Variants in CPLX1 observed in about 807,000 individuals in gnomAD.
The protein encoded by CPLX1 is complexin-1.
Under a neutral mutation model 15.6 loss-of-function variants are expected in CPLX1, and 6 were observed. The ratio of observed to expected loss-of-function variants is 0.39; its 90% CI spans 0.21 to 0.76. The LOEUF (loss-of-function observed/expected upper bound fraction) is 0.76. Among genes scored for constraint, CPLX1 ranks in the 30% least tolerant of loss-of-function variants. CPLX1 has a pLI of 0.43. For missense variants in CPLX1, 242 were observed against 188.6 expected (o/e 1.28, Z -1.66); for synonymous variants, 91 against 75.2 (o/e 1.21, Z -1.08).
chr4:792,575 C>T lies in CPLX1; in HGVS notation c.65G>A (p.Gly22Asp). 1.2e-6 allele frequency: 2 copies of T among 1,612,638 alleles called. No individual in the cohort carries two copies. Among genetic ancestry groups the T allele is most frequent in the Admixed American group, 1.7e-5 (1 of 59,960 alleles). Reference protein sequence around the residue: ...ATKDMGKMLGGDEEKDPDAAK... With the variant: ...ATKDMGKMLGDDEEKDPDAAK... ...GGCGTCTGGGTCCTTCTCCTCGTCA[C>T]CCCCCAGCATCTTCCCCATGTCCTT... The change falls in exon 3 of 4, where the codon GGT (glycine) becomes GAT (aspartate). Residue 22 changes from glycine to aspartate, a missense_variant. Coordinates refer to ENST00000304062, the MANE Select transcript of CPLX1 (RefSeq NM_006651.4).
At position 791,863 on chromosome 4, in the gene CPLX1, C is replaced by T. The variant is rs933130419; in HGVS notation, c.207+570G>A. Among the ~76,000 whole-genome samples, 4 of 152,310 alleles carry T rather than the reference C, an allele frequency of 2.6e-5. No homozygotes were observed. The East Asian group carries it at 5.8e-4, about 22-fold the overall frequency. On this transcript the variant is annotated intron_variant, in intron 3 of 3. Coordinates refer to ENST00000304062, the MANE Select transcript of CPLX1 (RefSeq NM_006651.4). ...CTCCAGGCTGATGTCTGTGCCCACC[C>T]GGCTTCCAGCCAGGGCCGTGCTGGA...
At chr4:792,711 T>G in intron 2 of CPLX1, 103 bp from the exon 3 acceptor site, 2 of 1,293,994 alleles carry the variant, frequency 1.5e-6, no homozygotes, top group Non-Finnish European at 2.1e-6. Context: ...CCCCAAACCC[T>G]CCATCCACTC....
chr4:813,862 C>CCA (rs145878038), intron 2 of CPLX1, among the ~76,000 whole-genome samples: 29 of 152,076 alleles, frequency 1.9e-4, no homozygotes, highest in African/African-American at 5.1e-4. Flanking sequence ...CCCAGAATTC[C>CCA]CACACACACA....
At chr4:790,167 CG>C (rs1165373955) in intron 3 of CPLX1, among the ~76,000 whole-genome samples, 1 of 152,316 alleles carries the variant, frequency 6.6e-6, no homozygotes, top group Non-Finnish European at 1.5e-5. Context: ...ACGTGGGGTC[CG>C]GGGGGATCCA....
chr4:795,806 G>A (rs562303877), intron 2 of CPLX1, among the ~76,000 whole-genome samples: 2 of 105,790 alleles, frequency 1.9e-5, no homozygotes, highest in South Asian at 2.8e-4. Context: ...GAGAGGGGGT[G>A]GGGGGGGGGT....
intron 2 of CPLX1, among the ~76,000 whole-genome samples, chr4:810,047 CTTTTTTTTTT>C (rs34354609): frequency 8.3e-6 from 1 of 120,328 alleles, no homozygotes; most frequent in Non-Finnish European, 1.7e-5. Context: ...TCTGCACTTT[CTTTTTTTTTT>C]TTTTTTTTTT....
intron 3 of CPLX1, among the ~76,000 whole-genome samples, chr4:788,672 G>A (rs951158697): frequency 1.3e-5 from 2 of 152,180 alleles, no homozygotes; most frequent in Non-Finnish European, 2.9e-5. Context: ...CTCCAGGCAC[G>A]GAAGTGGAGG....
intron 2 of CPLX1, among the ~76,000 whole-genome samples, chr4:817,317 G>T (rs975580507): frequency 6.6e-6 from 1 of 151,734 alleles, no homozygotes; most frequent in Admixed American, 6.6e-5. Context: ...ACTTTGGGAG[G>T]CCGGGGCAGG....
intron 2 of CPLX1, among the ~76,000 whole-genome samples, chr4:810,044 T>A (rs1746633771): frequency 1.4e-5 from 2 of 142,322 alleles, no homozygotes; most frequent in African/African-American, 5.4e-5. Context: ...GGATCTGCAC[T>A]TTCTTTTTTT....
At chr4:794,329 C>T (rs1056366509) in intron 2 of CPLX1, among the ~76,000 whole-genome samples, 10 of 152,220 alleles carry the variant, frequency 6.6e-5, no homozygotes, top group Admixed American at 3.9e-4. Flanking sequence ...GTGGGGAGAA[C>T]GAGCCCCTCT....
chr4:803,526 G>A (rs1746497781), intron 2 of CPLX1, among the ~76,000 whole-genome samples: 1 of 147,664 alleles, frequency 6.8e-6, no homozygotes, highest in South Asian at 2.1e-4. Context: ...GAGTAGCTGG[G>A]ACTGCAGGCG....
Position 786,491 on chromosome 4 carries a change from C to T in CPLX1, c.*10G>A. On this transcript the variant is annotated 3_prime_UTR_variant, in exon 4 of 4. Transcript: ENST00000304062. The stretch of plus-strand genomic sequence containing the variant: ...GCGGGGGCTCCGCGGGGCCGCTGTC[C>T]CGCGCGCGGCTACTTCTTGAGCATG... 1 of 1,551,406 alleles carries T rather than the reference C, an allele frequency of 6.4e-7. No individual in the cohort carries two copies. Among genetic ancestry groups the T allele is most frequent in the Non-Finnish European group, 8.7e-7 (1 of 1,146,016 alleles).
At chr4:825,742 G>C (rs899992863) in intron 1 of CPLX1, among the ~76,000 whole-genome samples, 1 of 150,256 alleles carries the variant, frequency 6.7e-6, no homozygotes, top group Non-Finnish European at 1.5e-5. Flanking sequence ...CCGCGCGCGC[G>C]GAGCCCGGGA....
chr4:786,842 G>A lies in CPLX1; in HGVS notation c.208-144C>T, dbSNP rs1326747887. ...ACCAGGCACACAAGGACCCCAGAAG[G>A]AGAAGAGACCCCACCCCGGGGGGTC... On this transcript the variant is annotated intron_variant, in intron 3 of 3. Coordinates refer to ENST00000304062, the MANE Select transcript of CPLX1 (RefSeq NM_006651.4). 1.2e-5 allele frequency: 17 copies of A among 1,384,152 alleles called. No individual in the cohort carries two copies. In the Middle Eastern group the frequency reaches 8.1e-4, roughly 66 times the overall value. 85.7% of individuals were successfully genotyped at this position (1,384,152 alleles called of 1,614,324 possible). A position where few individuals can be genotyped will look rare whatever the true frequency, so the allele number is the denominator to read the frequency against.
chr4:809,924 G>A (rs1416466582), intron 2 of CPLX1, among the ~76,000 whole-genome samples: 2 of 152,174 alleles, frequency 1.3e-5, no homozygotes, highest in East Asian at 1.9e-4. Context: ...CATCACACCA[G>A]CAGCTCACCC....
At chr4:824,932 G>A (rs1746948264) in intron 1 of CPLX1, 2 of 377,970 alleles carry the variant, frequency 5.3e-6, no homozygotes, top group East Asian at 6.8e-5. Context: ...TGACTGCTCC[G>A]CTCTGCAGCT....
chr4:795,141 G>C (rs1010429981), intron 2 of CPLX1, among the ~76,000 whole-genome samples: 2 of 152,236 alleles, frequency 1.3e-5, no homozygotes, highest in Non-Finnish European at 2.9e-5. Context: ...CCCGCTTTTC[G>C]GCCCGGGTAC....
At chr4:822,648 G>T (rs533151214) in intron 2 of CPLX1, among the ~76,000 whole-genome samples, 35 of 152,224 alleles carry the variant, frequency 2.3e-4, no homozygotes, top group African/African-American at 6.7e-4. Flanking sequence ...CCGGGGCTTG[G>T]TCTGTTTCTC....
intron 2 of CPLX1, among the ~76,000 whole-genome samples, chr4:804,099 G>A (rs1346712822): frequency 6.6e-6 from 1 of 152,374 alleles, no homozygotes; most frequent in Non-Finnish European, 1.5e-5. Flanking sequence ...CGGCCTGGGC[G>A]TGCAGGAGGC....
Sources: gnomAD v4.1 joint callset for allele counts (sites outside exome capture counted in the v4.1 genomes callset) on GRCh38, gnomAD v4.1.1 for gene constraint, MANE v1.5 for transcripts, NCBI Gene and HGNC (gene_info 2026-07-23, HGNC 2026-07-21) for gene names.